HNRNPA1L2: variants seen among roughly 807,000 people sequenced by gnomAD.
The protein encoded by HNRNPA1L2 is heterogeneous nuclear ribonucleoprotein A1 like 2.
A neutral mutation model predicts 18.2 loss-of-function variants in HNRNPA1L2; 10 were observed. The ratio of observed to expected loss-of-function variants is 0.55; its 90% CI spans 0.34 to 0.93. The LOEUF (loss-of-function observed/expected upper bound fraction) is 0.93. Ranked by LOEUF, HNRNPA1L2 falls within the 40% of genes least tolerant of loss-of-function variation. The probability of loss-of-function intolerance (pLI) is 0.02; values close to 1 mark genes in which losing one functional copy is unlikely to be tolerated. For missense variants in HNRNPA1L2, 308 were observed against 394.4 expected, an observed-to-expected ratio of 0.78 and a Z score of 1.85; for synonymous variants, 124 against 138.6, an observed-to-expected ratio of 0.89 and a Z score of 0.74.
Position 52,643,150 on chromosome 13 carries a change from G to A in HNRNPA1L2, c.658G>A (p.Gly220Arg). 6.3e-7 allele frequency: 1 copy of A among 1,598,138 alleles called. No homozygotes were observed. Among genetic ancestry groups the A allele is most frequent in the South Asian group, 1.1e-5 (1 of 91,012 alleles). The change falls in exon 1 of 1, where the codon GGA becomes AGA. Residue 220 changes from glycine to arginine, a missense_variant. Gly to Arg is a moderately radical substitution (Grantham distance 125). Transcript: ENST00000357495. ...TGGGAATGACAACTTTGGTCGTGGAGGAAACTTCAGTGGTCGTGGTGGCTT... is the reference window on the plus strand; with the variant it reads ...TGGGAATGACAACTTTGGTCGTGGAAGAAACTTCAGTGGTCGTGGTGGCTT... ...FGGNDNFGRG[G>R]NFSGRGGFGG...
At chr13:52,642,403 C>T, upstream of HNRNPA1L2, 1 of 1,513,468 alleles carries the variant, frequency 6.6e-7, no homozygotes, top group South Asian at 1.2e-5. Context: ...ATACTCTATC[C>T]AGCTTCATAT....
At chr13:52,630,021 G>A in the HNRNPA1L2 span, among the ~76,000 whole-genome samples, 1 of 152,208 alleles carries the variant, frequency 6.6e-6, no homozygotes, top group Non-Finnish European at 1.5e-5. Context: ...CTGGGAGGTG[G>A]AGGTTGCAGT....
At chr13:52,630,566 C>T in the HNRNPA1L2 span, among the ~76,000 whole-genome samples, 30 of 152,152 alleles carry the variant, frequency 2.0e-4, 1 homozygote, top group Non-Finnish European at 1.8e-4. Flanking sequence ...CCACCACGCC[C>T]GGCCTAACCT....
At chr13:52,623,754 T>C in the HNRNPA1L2 span, among the ~76,000 whole-genome samples, 10 of 152,334 alleles carry the variant, frequency 6.6e-5, no homozygotes, top group African/African-American at 1.9e-4. Flanking sequence ...CCCATTGATA[T>C]GGTTACCATA....
the HNRNPA1L2 span, among the ~76,000 whole-genome samples, chr13:52,636,372 C>A: frequency 6.6e-6 from 1 of 152,140 alleles, no homozygotes; most frequent in African/African-American, 2.4e-5. Flanking sequence ...ATGTTTGTAC[C>A]ATTTTACGTT....
upstream of HNRNPA1L2, among the ~76,000 whole-genome samples, chr13:52,638,410 A>AGAT (rs1349762655): frequency 2.0e-5 from 3 of 152,344 alleles, no homozygotes; most frequent in African/African-American, 7.2e-5. Context: ...TAGCTTTGAA[A>AGAT]GATGATACCT....
the HNRNPA1L2 span, chr13:52,617,640 C>T: frequency 2.1e-6 from 1 of 469,396 alleles, no homozygotes; most frequent in Non-Finnish European, 3.9e-6. Flanking sequence ...GAGACATCAG[C>T]GGCTGCAATT....
At chr13:52,619,260 T>TGGG in the HNRNPA1L2 span, among the ~76,000 whole-genome samples, 1 of 152,132 alleles carries the variant, frequency 6.6e-6, no homozygotes, top group African/African-American at 2.4e-5. Context: ...CTCAAAGTGC[T>TGGG]GGGATTACAG....
At chr13:52,627,246 A>G in the HNRNPA1L2 span, among the ~76,000 whole-genome samples, 5 of 152,170 alleles carry the variant, frequency 3.3e-5, no homozygotes, top group Admixed American at 2.0e-4. Context: ...CTGAATTAGC[A>G]TTTCAAAGTT....
chr13:52,627,017 T>C, the HNRNPA1L2 span, among the ~76,000 whole-genome samples: 2 of 152,204 alleles, frequency 1.3e-5, no homozygotes, highest in Admixed American at 6.5e-5. Context: ...CTTCCATTGT[T>C]TGGATATCTG....
chr13:52,627,883 G>A, the HNRNPA1L2 span, among the ~76,000 whole-genome samples: 2 of 152,074 alleles, frequency 1.3e-5, no homozygotes, highest in African/African-American at 2.4e-5. Context: ...TAGCTTTTCT[G>A]AGAAAAGTAA....
chr13:52,629,395 A>G, the HNRNPA1L2 span: 5 of 220,914 alleles, frequency 2.3e-5, no homozygotes, highest in South Asian at 8.7e-5. Context: ...TTTTGTTTGT[A>G]TAGTTTGGTT....
chr13:52,636,900 T>C, the HNRNPA1L2 span, among the ~76,000 whole-genome samples: 7 of 152,172 alleles, frequency 4.6e-5, no homozygotes, highest in East Asian at 1.2e-3. Context: ...GGCCCGATCT[T>C]GGCTTACTGT....
the HNRNPA1L2 span, chr13:52,629,257 G>A: frequency 2.1e-5 from 4 of 187,884 alleles, no homozygotes; most frequent in Non-Finnish European, 4.7e-5. Context: ...ATTGCCAGAT[G>A]TGCTACAGCT....
upstream of HNRNPA1L2, chr13:52,642,245 G>C: frequency 1.9e-6 from 1 of 526,926 alleles, no homozygotes; most frequent in Admixed American, 3.3e-5. Flanking sequence ...AACAAAATTA[G>C]GGCTTCACAG....
At chr13:52,633,180 T>A in the HNRNPA1L2 span, among the ~76,000 whole-genome samples, 5 of 152,238 alleles carry the variant, frequency 3.3e-5, no homozygotes, top group Non-Finnish European at 7.3e-5. Flanking sequence ...TCTATGCTAT[T>A]ACATAAAGAC....
At chr13:52,634,212 C>A in the HNRNPA1L2 span, among the ~76,000 whole-genome samples, 1 of 152,164 alleles carries the variant, frequency 6.6e-6, no homozygotes, top group Non-Finnish European at 1.5e-5. Context: ...TGAATCACCT[C>A]TCCCCTGCTC....
At chr13:52,629,789 G>GA in the HNRNPA1L2 span, among the ~76,000 whole-genome samples, 1 of 152,002 alleles carries the variant, frequency 6.6e-6, no homozygotes, top group Non-Finnish European at 1.5e-5. Context: ...CACCATCAAC[G>GA]AAAAGAAAGA....
chr13:52,637,658 T>C (rs1961505266), upstream of HNRNPA1L2, among the ~76,000 whole-genome samples: 1 of 152,104 alleles, frequency 6.6e-6, no homozygotes, highest in Non-Finnish European at 1.5e-5. Flanking sequence ...CTTTCTTAGC[T>C]CTAACGGCGA....
Sources: gnomAD v4.1 joint callset for allele counts (sites outside exome capture counted in the v4.1 genomes callset) on GRCh38, gnomAD v4.1.1 for gene constraint, MANE v1.5 for transcripts, NCBI Gene and HGNC (gene_info 2026-07-23, HGNC 2026-07-21) for gene names.